Variants in EXOC4 observed in about 807,000 individuals in gnomAD.
The protein encoded by EXOC4 is exocyst complex component 4.
A neutral mutation model predicts 107.2 loss-of-function variants in EXOC4; 71 were observed. The ratio of observed to expected loss-of-function variants is 0.66; its 90% CI spans 0.55 to 0.81. The LOEUF (loss-of-function observed/expected upper bound fraction) is 0.81. Among genes scored for constraint, EXOC4 ranks in the 30% least tolerant of loss-of-function variants. The pLI, the probability that EXOC4 is intolerant of heterozygous loss-of-function variation, is 0.00. For missense variants in EXOC4, 1,108 were observed against 1,189.6 expected, an observed-to-expected ratio of 0.93 and a Z score of 1.01; for synonymous variants, 456 against 441.2, an observed-to-expected ratio of 1.03 and a Z score of -0.42.
intron 14 of EXOC4, among the ~76,000 whole-genome samples, chr7:133,978,922 C>T (rs1297232796): frequency 1.3e-5 from 2 of 152,144 alleles, no homozygotes; most frequent in Non-Finnish European, 2.9e-5. Flanking sequence ...AGGAAAGTGG[C>T]TAGAGGTGAC....
intron 7 of EXOC4, among the ~76,000 whole-genome samples, chr7:133,412,584 T>C (rs1053544391): frequency 2.0e-5 from 3 of 151,924 alleles, no homozygotes; most frequent in Admixed American, 6.6e-5. Context: ...CCAATTATGC[T>C]GGAGACTGAG....
At chr7:134,042,529 C>T (rs1043498116) in intron 17 of EXOC4, among the ~76,000 whole-genome samples, 8 of 151,256 alleles carry the variant, frequency 5.3e-5, no homozygotes, top group African/African-American at 1.7e-4. Context: ...GGGCCATCTA[C>T]GACTGGGCAC....
intron 2 of EXOC4, among the ~76,000 whole-genome samples, chr7:133,287,791 GAT>G (rs1247123172): frequency 6.6e-6 from 1 of 152,132 alleles, no homozygotes; most frequent in Non-Finnish European, 1.5e-5. Context: ...GTACTTGTTG[GAT>G]GAATGTTGAA....
the EXOC4 span, among the ~76,000 whole-genome samples, chr7:134,085,175 G>T: frequency 3.9e-5 from 6 of 152,206 alleles, no homozygotes; most frequent in African/African-American, 1.4e-4. Flanking sequence ...TTGAAGTACA[G>T]ACTCCTTCTC....
chr7:133,759,144 ATTTTTTTT>A (rs34768347), intron 10 of EXOC4, among the ~76,000 whole-genome samples: 1 of 140,632 alleles, frequency 7.1e-6, no homozygotes, highest in African/African-American at 2.6e-5. Flanking sequence ...CAACAAAAGA[ATTTTTTTT>A]TTTTTTTTTT....
chr7:133,630,137 CT>C lies in EXOC4; in HGVS notation c.1511del (p.Leu504GlnfsTer55). The C allele has an allele frequency of 6.2e-7, 1 of 1,610,912 alleles. No homozygotes were observed. The highest frequency in any genetic ancestry group is 8.5e-7 in the Non-Finnish European group (1 of 1,177,252). ...RNITVIFHPL[L>X]RFIQEIEHAL... ...CATTACCGTCATATTCCACCCATTA[CT>C]AAGGTAAGTCAAGTGCTATGATATA... On this transcript the variant is annotated frameshift_variant, in exon 10 of 18. Transcript: ENST00000253861. LOFTEE classifies it high-confidence loss of function.
At chr7:133,843,879 T>C (rs1407589797) in intron 11 of EXOC4, among the ~76,000 whole-genome samples, 1 of 152,232 alleles carries the variant, frequency 6.6e-6, no homozygotes, top group Non-Finnish European at 1.5e-5. Flanking sequence ...GAAGAGATGT[T>C]GAATTTTATG....
At chr7:133,370,593 A>G (rs1796352618) in intron 6 of EXOC4, among the ~76,000 whole-genome samples, 1 of 152,170 alleles carries the variant, frequency 6.6e-6, no homozygotes. Flanking sequence ...TGAGGGAGGT[A>G]TGTAGCTTTT....
At chr7:133,816,280 A>G (rs1313598315) in intron 10 of EXOC4, among the ~76,000 whole-genome samples, 1 of 152,238 alleles carries the variant, frequency 6.6e-6, no homozygotes, top group African/African-American at 2.4e-5. Context: ...ATTTGTTCAT[A>G]TTAAACCACA....
chr7:133,296,102 T>G (rs963250061), intron 3 of EXOC4, among the ~76,000 whole-genome samples: 1 of 152,184 alleles, frequency 6.6e-6, no homozygotes, highest in Admixed American at 6.6e-5. Context: ...GCCAATATTC[T>G]AAGCTAATAA....
intron 9 of EXOC4, among the ~76,000 whole-genome samples, chr7:133,624,624 G>A (rs908509770): frequency 2.0e-5 from 3 of 151,862 alleles, no homozygotes; most frequent in Admixed American, 1.3e-4. Context: ...GCAGAGTCTC[G>A]CTCTGTCGGC....
At chr7:134,097,392 T>G in the EXOC4 span, among the ~76,000 whole-genome samples, 313 of 151,860 alleles carry the variant, frequency 2.1e-3, no homozygotes, top group Middle Eastern at 6.8e-3. Context: ...AAAAAGTTCA[T>G]GGGTAGCAGT....
chr7:133,300,502 C>T (rs1794618400), intron 3 of EXOC4, among the ~76,000 whole-genome samples: 1 of 152,160 alleles, frequency 6.6e-6, no homozygotes, highest in South Asian at 2.1e-4. Flanking sequence ...CTCTTATTCC[C>T]CCGACCACCA....
intron 11 of EXOC4, among the ~76,000 whole-genome samples, chr7:133,823,905 AT>A (rs1797630037): frequency 7.2e-5 from 2 of 27,892 alleles, no homozygotes; most frequent in African/African-American, 8.1e-4. Flanking sequence ...TTATATATAT[AT>A]ATATAAATAT....
intron 7 of EXOC4, among the ~76,000 whole-genome samples, chr7:133,397,643 G>C (rs1584884190): frequency 6.6e-6 from 1 of 151,886 alleles, no homozygotes; most frequent in Non-Finnish European, 1.5e-5. Context: ...CCTATCTTCT[G>C]TATATTATTC....
At chr7:133,616,137 T>C (rs1336074798) in intron 9 of EXOC4, among the ~76,000 whole-genome samples, 1 of 152,196 alleles carries the variant, frequency 6.6e-6, no homozygotes, top group Non-Finnish European at 1.5e-5. Context: ...TGGTAACTTA[T>C]GTTTGTCCCT....
At chr7:134,054,962 T>A (rs1160142472) in intron 17 of EXOC4, among the ~76,000 whole-genome samples, 1 of 152,242 alleles carries the variant, frequency 6.6e-6, no homozygotes, top group East Asian at 1.9e-4. Context: ...GTCCTTGAAT[T>A]TCAGGTGGCC....
At chr7:133,284,009 G>A (rs1014239561) in intron 2 of EXOC4, among the ~76,000 whole-genome samples, 7 of 152,164 alleles carry the variant, frequency 4.6e-5, no homozygotes, top group African/African-American at 1.7e-4. Flanking sequence ...GGGCAATTTA[G>A]TATTAAAAGT....
chr7:133,913,067 G>C (rs1799731841), intron 12 of EXOC4, among the ~76,000 whole-genome samples: 1 of 152,144 alleles, frequency 6.6e-6, no homozygotes, highest in Non-Finnish European at 1.5e-5. Flanking sequence ...AGGCAAACAA[G>C]GAGGATGAGA....
Sources: allele counts gnomAD v4.1 joint callset (sites outside exome capture counted in the v4.1 genomes callset), GRCh38; gene constraint gnomAD v4.1.1; transcripts MANE v1.5; gene names NCBI Gene and HGNC (gene_info 2026-07-23, HGNC 2026-07-21).